The following TENM3 variants were observed in gnomAD, a reference collection of about 807,000 sequenced individuals.
The protein encoded by TENM3 is teneurin transmembrane protein 3, also known as teneurin-3.
A neutral mutation model predicts 255.1 loss-of-function variants in TENM3; 63 were observed. That is an observed-to-expected ratio of 0.25 (90% confidence interval 0.20 to 0.30). The LOEUF is 0.30. Among genes scored for constraint, TENM3 ranks in the 10% least tolerant of loss-of-function variants. The probability of loss-of-function intolerance (pLI) is 1.00; values close to 1 mark genes in which losing one functional copy is unlikely to be tolerated. For synonymous variants in TENM3, 1,306 were observed against 1,322.3 expected (o/e 0.99, Z 0.27); for missense variants, 2,929 against 3,461.1 (o/e 0.85, Z 3.86).
the TENM3 span, among the ~76,000 whole-genome samples, chr4:181,743,342 T>A: frequency 1.3e-5 from 2 of 152,266 alleles, no homozygotes; most frequent in East Asian, 3.9e-4. Flanking sequence ...CACCTGTTGT[T>A]TCCTGACTTT....
chr4:181,972,314 G>T, the TENM3 span, among the ~76,000 whole-genome samples: 1 of 151,620 alleles, frequency 6.6e-6, no homozygotes, highest in Non-Finnish European at 1.5e-5. Flanking sequence ...AGCTACTTGG[G>T]ATGCTCAGGT....
chr4:182,079,360 C>CA, the TENM3 span, among the ~76,000 whole-genome samples: 69 of 152,112 alleles, frequency 4.5e-4, no homozygotes, highest in African/African-American at 1.6e-3. Context: ...ACTAAAAATA[C>CA]AAAAAATTAG....
At chr4:182,661,151 T>G (rs1032563322) in intron 6 of TENM3, among the ~76,000 whole-genome samples, 1 of 152,096 alleles carries the variant, frequency 6.6e-6, no homozygotes, top group Non-Finnish European at 1.5e-5. Flanking sequence ...ATATGATTTA[T>G]GCTGCTTAAA....
intron 1 of TENM3, among the ~76,000 whole-genome samples, chr4:182,184,379 T>C (rs1561176325): frequency 6.6e-6 from 1 of 152,118 alleles, no homozygotes; most frequent in Non-Finnish European, 1.5e-5. Context: ...TAAAATCTTA[T>C]GAAAGCACCA....
chr4:182,704,552 A>G (rs1758125563), intron 12 of TENM3, among the ~76,000 whole-genome samples: 1 of 152,224 alleles, frequency 6.6e-6, no homozygotes, highest in Non-Finnish European at 1.5e-5. Flanking sequence ...GGGCTGACTT[A>G]AATCAGGAAA....
the TENM3 span, among the ~76,000 whole-genome samples, chr4:181,953,254 GCCACCA>G: frequency 0.12 from 17,719 of 147,888 alleles, 1,243 homozygotes; most frequent in South Asian, 0.27. Flanking sequence ...AATGATGATG[GCCACCA>G]CCACCACCAC....
At chr4:181,555,868 CCACACTTA>C in the TENM3 span, among the ~76,000 whole-genome samples, 1 of 152,160 alleles carries the variant, frequency 6.6e-6, no homozygotes, top group African/African-American at 2.4e-5. Context: ...AGTTGGGTGA[CCACACTTA>C]AATGCAAGGG....
the TENM3 span, among the ~76,000 whole-genome samples, chr4:182,070,293 A>G: frequency 6.6e-6 from 1 of 152,206 alleles, no homozygotes; most frequent in African/African-American, 2.4e-5. Flanking sequence ...CTAATGCCTT[A>G]CAAATAGAAG....
In TENM3 at chr4:182,751,857, C is replaced by G; in HGVS notation, c.3687C>G (p.Tyr1229Ter). 1 of 1,613,934 alleles carries G rather than the reference C, an allele frequency of 6.2e-7. No individual in the cohort carries two copies. The highest frequency in any genetic ancestry group is 8.5e-7 in the Non-Finnish European group (1 of 1,179,888). The stretch of plus-strand genomic sequence containing the variant: ...CGGATCCAGTCACGGGAGATCTGTA[C>G]GTTTCTGACACAAACACCCGCAGAA... ...LATDPVTGDLYVSDTNTRRIY... is the reference protein window; with the variant it reads ...LATDPVTGDL Residue 1229 changes from tyrosine (Y) to a stop codon, truncating the protein, a stop_gained, in exon 20 of 28, where the codon TAC (tyrosine) becomes TAG (stop). Coordinates refer to ENST00000511685, the MANE Select transcript of TENM3 (RefSeq NM_001080477.4). LOFTEE classifies it high-confidence loss of function.
chr4:182,277,898 A>C (rs766515656), intron 1 of TENM3, among the ~76,000 whole-genome samples: 19 of 152,222 alleles, frequency 1.2e-4, no homozygotes, highest in Non-Finnish European at 2.8e-4. Context: ...ATATACTTAG[A>C]TAACATTTAC....
At chr4:182,122,968 C>T in the TENM3 span, among the ~76,000 whole-genome samples, 1 of 152,186 alleles carries the variant, frequency 6.6e-6, no homozygotes, top group African/African-American at 2.4e-5. Flanking sequence ...GCTGTTTCAC[C>T]TGGTACTTCT....
chr4:182,129,754 T>C, the TENM3 span, among the ~76,000 whole-genome samples: 1 of 152,144 alleles, frequency 6.6e-6, no homozygotes, highest in African/African-American at 2.4e-5. Context: ...ATTAGGTAAA[T>C]AATAAATTAA....
At chr4:182,246,561 C>G (rs1471562643) in intron 1 of TENM3, among the ~76,000 whole-genome samples, 1 of 152,152 alleles carries the variant, frequency 6.6e-6, no homozygotes, top group Non-Finnish European at 1.5e-5. Flanking sequence ...ACCAGCCCTC[C>G]TTCTAAAATT....
intron 3 of TENM3, among the ~76,000 whole-genome samples, chr4:182,592,913 T>G (rs548123628): frequency 1.3e-5 from 2 of 152,318 alleles, no homozygotes; most frequent in South Asian, 4.1e-4. Flanking sequence ...ATTCCATCCT[T>G]TGCAAATCAT....
chr4:182,244,221 G>T (rs1244258306), intron 1 of TENM3, among the ~76,000 whole-genome samples: 1 of 152,046 alleles, frequency 6.6e-6, no homozygotes, highest in African/African-American at 2.4e-5. Context: ...CCAAAGTGCT[G>T]GGATTACAGG....
chr4:181,674,313 C>T, the TENM3 span, among the ~76,000 whole-genome samples: 7 of 151,946 alleles, frequency 4.6e-5, no homozygotes, highest in South Asian at 1.5e-3. Context: ...AATTTCTACC[C>T]AGGACAAAAT....
chr4:182,268,010 T>C (rs1172339293), intron 1 of TENM3, among the ~76,000 whole-genome samples: 2 of 152,202 alleles, frequency 1.3e-5, no homozygotes, highest in Non-Finnish European at 2.9e-5. Context: ...GGATGGGTAA[T>C]GTAGAAATCT....
chr4:182,258,637 G>A (rs894650726), intron 1 of TENM3, among the ~76,000 whole-genome samples: 4 of 152,142 alleles, frequency 2.6e-5, no homozygotes, highest in African/African-American at 9.7e-5. Context: ...ATTGCTTTCC[G>A]AGTTTCACCT....
the TENM3 span, among the ~76,000 whole-genome samples, chr4:181,620,704 A>C: frequency 6.6e-6 from 1 of 152,080 alleles, no homozygotes; most frequent in African/African-American, 2.4e-5. Flanking sequence ...GAAATAGTTA[A>C]TAGCAACATA....
Sources: allele counts gnomAD v4.1 joint callset (sites outside exome capture counted in the v4.1 genomes callset), GRCh38; gene constraint gnomAD v4.1.1; transcripts MANE v1.5; gene names NCBI Gene and HGNC (gene_info 2026-07-23, HGNC 2026-07-21).